The following PIWIL1 variants were observed in gnomAD, a reference collection of about 807,000 sequenced individuals.
PIWIL1 encodes piwi-like protein 1.
PIWIL1 carries 73 observed loss-of-function variants against 114.4 expected under a neutral mutation model. The ratio of observed to expected loss-of-function variants is 0.64; its 90% CI spans 0.53 to 0.78. The LOEUF is 0.78. PIWIL1 is among the 30% of genes least tolerant of loss of function. PIWIL1 has a pLI of 0.00. For missense variants in PIWIL1, 723 were observed against 1,063.1 expected, an observed-to-expected ratio of 0.68 and a Z score of 4.45; for synonymous variants, 375 against 369.0, an observed-to-expected ratio of 1.02 and a Z score of -0.19.
chr12:130,422,429 A>G, the PIWIL1 span: 2 of 1,539,514 alleles, frequency 1.3e-6, no homozygotes, highest in Non-Finnish European at 1.8e-6. The surrounding 1 kb of genome is among the most constrained non-coding windows in gnomAD (Gnocchi z 5.2). Context: ...TGAAAGACAC[A>G]ACAGCGATGA....
the PIWIL1 span, among the ~76,000 whole-genome samples, chr12:130,391,467 G>A: frequency 6.6e-6 from 1 of 152,172 alleles, no homozygotes; most frequent in Non-Finnish European, 1.5e-5. Flanking sequence ...CAGCATTGTT[G>A]TTTAACCCTT....
the PIWIL1 span, among the ~76,000 whole-genome samples, chr12:130,384,982 C>T: frequency 6.6e-6 from 1 of 152,054 alleles, no homozygotes. Flanking sequence ...AGAAAATTCC[C>T]CGAAACAATA....
chr12:130,349,462 A>G (rs752688401), intron 8 of PIWIL1, 26 bp downstream of exon 8: 24 of 1,494,592 alleles, frequency 1.6e-5, no homozygotes, highest in South Asian at 1.4e-4. Context: ...AAAGTGCACA[A>G]TAATTTTTTG....
At chr12:130,387,815 GTATTAATTACTATT>G in the PIWIL1 span, among the ~76,000 whole-genome samples, 1 of 152,228 alleles carries the variant, frequency 6.6e-6, no homozygotes, top group African/African-American at 2.4e-5. Flanking sequence ...ACATGGGTCA[GTATTAATTACTATT>G]TATTTTTAGT....
intron 14 of PIWIL1, 129 bp downstream of exon 14, chr12:130,357,682 G>A: frequency 4.7e-6 from 3 of 641,338 alleles, no homozygotes; most frequent in African/African-American, 1.8e-5. Flanking sequence ...CACAAAATAT[G>A]TTTTGTAACC....
intron 9 of PIWIL1, chr12:130,351,043 T>C (rs1261848064): frequency 1.3e-5 from 2 of 152,186 alleles, no homozygotes; most frequent in Admixed American, 1.3e-4. Flanking sequence ...GCCTCTTTAC[T>C]CCTTGAGGAC....
At chr12:130,421,689 A>ATGTGTGTGTGTGTGTG in the PIWIL1 span, among the ~76,000 whole-genome samples, 297 of 106,984 alleles carry the variant, frequency 2.8e-3, 2 homozygotes, top group Non-Finnish European at 3.8e-3. Context: ...CCCTGCATTT[A>ATGTGTGTGTGTGTGTG]TATGTGTGTG....
At chr12:130,372,939 A>C (rs1458062338), downstream of PIWIL1, among the ~76,000 whole-genome samples, 1 of 152,240 alleles carries the variant, frequency 6.6e-6, no homozygotes, top group Non-Finnish European at 1.5e-5. Flanking sequence ...GACAATACAC[A>C]AGTCCCTGGA....
At chr12:130,370,760 T>C (rs761339262) in intron 19 of PIWIL1, among the ~76,000 whole-genome samples, 1 of 152,168 alleles carries the variant, frequency 6.6e-6, no homozygotes, top group East Asian at 1.9e-4. Context: ...AAAAGCATGT[T>C]TGGGGAGTAA....
the PIWIL1 span, chr12:130,397,187 G>A: frequency 4.6e-5 from 17 of 368,418 alleles, no homozygotes; most frequent in African/African-American, 2.9e-4. Flanking sequence ...GAGAGCAACC[G>A]CTCCTCTTTG....
chr12:130,406,248 G>A, the PIWIL1 span: 1 of 1,588,772 alleles, frequency 6.3e-7, no homozygotes, highest in Non-Finnish European at 8.6e-7. Context: ...TTCGGCCTGT[G>A]GAGATGAAAC....
chr12:130,374,707 C>T (rs2073853362), downstream of PIWIL1, among the ~76,000 whole-genome samples: 1 of 152,220 alleles, frequency 6.6e-6, no homozygotes, highest in South Asian at 2.1e-4. Flanking sequence ...AACCCCACGA[C>T]CAGTGGCATG....
intron 13 of PIWIL1, 60 bp downstream of exon 13, chr12:130,357,165 G>A: frequency 3.7e-6 from 5 of 1,357,670 alleles, no homozygotes; most frequent in Non-Finnish European, 5.1e-6. Flanking sequence ...GGAGGGGTGG[G>A]AACTATTAAA....
chr12:130,395,044 TGGTAA>T, the PIWIL1 span, among the ~76,000 whole-genome samples: 1 of 152,000 alleles, frequency 6.6e-6, no homozygotes, highest in East Asian at 1.9e-4. Context: ...GGCAAATGGA[TGGTAA>T]TGTGGGGAGG....
chr12:130,379,162 G>A, the PIWIL1 span, among the ~76,000 whole-genome samples: 1 of 152,320 alleles, frequency 6.6e-6, no homozygotes, highest in Admixed American at 6.5e-5. Context: ...TCGCTGTAGG[G>A]TGAGATAGAC....
the PIWIL1 span, chr12:130,407,722 G>C: frequency 6.2e-7 from 1 of 1,611,366 alleles, no homozygotes; most frequent in African/African-American, 1.3e-5. Flanking sequence ...TGTTTGGCTG[G>C]TACCTCGACA....
the PIWIL1 span, among the ~76,000 whole-genome samples, chr12:130,388,569 G>A: frequency 6.6e-6 from 1 of 152,062 alleles, no homozygotes; most frequent in African/African-American, 2.4e-5. Flanking sequence ...ACGATTTTAG[G>A]TTTTACCATC....
chr12:130,355,450 G>A (rs919463654), intron 11 of PIWIL1, 103 bp from the exon 12 acceptor site: 33 of 865,724 alleles, frequency 3.8e-5, no homozygotes, highest in African/African-American at 2.5e-4. Context: ...TCACCCTGAC[G>A]GCGACATTGG....
At chr12:130,342,827 CTT>C (rs1328510817) in intron 2 of PIWIL1, among the ~76,000 whole-genome samples, 158 bp downstream of exon 2, 2 of 152,172 alleles carry the variant, frequency 1.3e-5, no homozygotes, top group Non-Finnish European at 2.9e-5. Context: ...TGATTCGTGA[CTT>C]TATTTGGTGA....
Sources: allele counts gnomAD v4.1 joint callset (sites outside exome capture counted in the v4.1 genomes callset), GRCh38; gene constraint gnomAD v4.1.1; non-coding constraint Gnocchi (gnomAD v3.1); transcripts MANE v1.5; gene names NCBI Gene and HGNC (gene_info 2026-07-23, HGNC 2026-07-21).